Variants in CHST9 observed in about 807,000 individuals in gnomAD.
CHST9 encodes the protein GalNAc-4-sulfotransferase 2.
Under a neutral mutation model 44.4 loss-of-function variants are expected in CHST9, and 41 were observed. That is an observed-to-expected ratio of 0.92 (90% CI 0.72 to 1.20). The LOEUF (loss-of-function observed/expected upper bound fraction) is 1.20, where lower values mean the gene tolerates loss of function less well. Among genes scored for constraint, CHST9 ranks in the 50% most tolerant of loss-of-function variants. The pLI is 0.00. For missense variants in CHST9, 504 were observed against 516.5 expected, an observed-to-expected ratio of 0.98 and a Z score of 0.23; for synonymous variants, 171 against 178.4, an observed-to-expected ratio of 0.96 and a Z score of 0.33.
intron 3 of CHST9, among the ~76,000 whole-genome samples, chr18:27,035,036 G>C (rs1234858243): frequency 6.6e-6 from 1 of 152,208 alleles, no homozygotes; most frequent in African/African-American, 2.4e-5. Flanking sequence ...GGGATGGCTG[G>C]ATGATAAAGT....
At position 26,917,130 on chromosome 18, in the gene CHST9, T is replaced by C. The variant is rs2055546581; in HGVS notation, c.461A>G (p.Asp154Gly). Reference protein sequence around the residue: ...NKFSNMNWPVDIHPLNKSLVK... With the variant: ...NKFSNMNWPVGIHPLNKSLVK... ...TAAACTTTTGTTTAAAGGGTGAATG[T>C]CCACTGGCCAATTCATGTTGCTGAA... is the stretch of plus-strand genomic sequence containing the variant. The change falls in exon 6 of 6, where the codon GAC (aspartate) becomes GGC (glycine). Residue 154 changes from aspartate to glycine, a missense_variant. Asp to Gly is a moderately conservative substitution (Grantham distance 94). Transcript: ENST00000618847. The C allele has an allele frequency of 6.2e-7, 1 of 1,613,942 alleles. No homozygotes were observed. Among genetic ancestry groups the C allele is most frequent in the African/African-American group, 1.3e-5 (1 of 75,028 alleles).
intron 4 of CHST9, among the ~76,000 whole-genome samples, chr18:27,022,291 A>G (rs934538395): frequency 6.6e-6 from 1 of 152,078 alleles, no homozygotes; most frequent in African/African-American, 2.4e-5. Context: ...AAACTCTCTC[A>G]AATTTCTTTA....
rs79688953 is a variant in CHST9, at chr18:27,043,684, G to A, written c.160+4781C>T. On this transcript the variant is annotated intron_variant, in intron 3 of 5. Coordinates refer to ENST00000618847, the MANE Select transcript of CHST9 (RefSeq NM_031422.6). ...ATGCTTCCTGATTTCCTTGCCTCCC[G>A]TCAATTTCTCTTCCAATCCATACTT... is the stretch of plus-strand genomic sequence containing the variant. 7.0e-3 allele frequency among the ~76,000 whole-genome samples: 1,061 copies of A among 152,004 alleles called. 10 individuals are homozygous for A. The highest frequency in any genetic ancestry group is 0.024 in the African/African-American group (1,002 of 41,470).
intron 4 of CHST9, among the ~76,000 whole-genome samples, chr18:26,975,709 A>ATATGTG (rs1486333121): frequency 4.4e-4 from 25 of 56,960 alleles, no homozygotes; most frequent in African/African-American, 2.0e-3. Context: ...ATGTGTATAT[A>ATATGTG]TGTGTGTGTG....
chr18:26,929,866 G>A (rs982400387), intron 5 of CHST9, among the ~76,000 whole-genome samples: 1 of 152,136 alleles, frequency 6.6e-6, no homozygotes, highest in Non-Finnish European at 1.5e-5. Flanking sequence ...TGACGTAAGT[G>A]ACACTCCTTT....
intron 4 of CHST9, chr18:26,952,500 A>C (rs2056263523): frequency 4.4e-6 from 2 of 458,896 alleles, no homozygotes; most frequent in Non-Finnish European, 8.5e-6. Context: ...TAAACCCTGG[A>C]GGACCAGTCC....
intron 5 of CHST9, among the ~76,000 whole-genome samples, chr18:26,923,114 G>A (rs2055693710): frequency 6.6e-6 from 1 of 152,176 alleles, no homozygotes; most frequent in Non-Finnish European, 1.5e-5. Flanking sequence ...GACAAGTGCG[G>A]ACTTTATTCA....
intron 4 of CHST9, among the ~76,000 whole-genome samples, chr18:26,995,674 A>G (rs1336149700): frequency 6.6e-6 from 1 of 152,222 alleles, no homozygotes; most frequent in Non-Finnish European, 1.5e-5. Context: ...GGATACATGA[A>G]AAATAAGCAA....
chr18:27,175,815 A>G (rs948367685), intron 1 of CHST9, among the ~76,000 whole-genome samples: 1 of 152,048 alleles, frequency 6.6e-6, no homozygotes, highest in African/African-American at 2.4e-5. Context: ...AACCAGATGG[A>G]TCCCTATCTT....
intron 3 of CHST9, among the ~76,000 whole-genome samples, chr18:27,040,753 T>C (rs567387413): frequency 1.3e-5 from 2 of 152,272 alleles, no homozygotes; most frequent in Admixed American, 6.5e-5. Context: ...AGTATACAAG[T>C]ATATCATTTA....
chr18:27,081,360 G>A (rs2057959150), intron 2 of CHST9, among the ~76,000 whole-genome samples: 2 of 151,934 alleles, frequency 1.3e-5, no homozygotes, highest in African/African-American at 4.8e-5. Flanking sequence ...CAAAAAAGAA[G>A]AAAAGAAAAG....
intron 4 of CHST9, among the ~76,000 whole-genome samples, chr18:26,977,426 A>C (rs1352396570): frequency 3.5e-5 from 1 of 28,308 alleles, no homozygotes; most frequent in African/African-American, 9.4e-5. Flanking sequence ...GGTCACTTGT[A>C]AAAAAAAAAA....
At chr18:27,022,827 A>G (rs1355278735) in intron 4 of CHST9, among the ~76,000 whole-genome samples, 1 of 152,240 alleles carries the variant, frequency 6.6e-6, no homozygotes, top group Admixed American at 6.5e-5. Context: ...GGGATAACAC[A>G]TTGCTTATCA....
intron 2 of CHST9, among the ~76,000 whole-genome samples, chr18:27,052,993 A>C (rs1319560575): frequency 1.3e-5 from 2 of 151,652 alleles, no homozygotes; most frequent in African/African-American, 4.9e-5. Context: ...AACCTAGATG[A>C]CAGGTTGATA....
At chr18:27,089,285 CAG>C (rs1362095193) in intron 2 of CHST9, among the ~76,000 whole-genome samples, 13 of 143,902 alleles carry the variant, frequency 9.0e-5, no homozygotes, top group African/African-American at 1.3e-4. Context: ...ATCCCTCCCC[CAG>C]CCCCCCACCC....
chr18:27,020,709 A>G (rs1177287774), intron 4 of CHST9, among the ~76,000 whole-genome samples: 2 of 152,188 alleles, frequency 1.3e-5, no homozygotes, highest in African/African-American at 4.8e-5. Context: ...GGAGTCAATA[A>G]CATGCAAGAT....
chr18:27,114,316 G>C (rs1270502125), intron 2 of CHST9, among the ~76,000 whole-genome samples: 1 of 152,180 alleles, frequency 6.6e-6, no homozygotes, highest in African/African-American at 2.4e-5. Flanking sequence ...CGAGATGGTT[G>C]TCTGTCCTAT....
chr18:27,099,911 G>A (rs998477830), intron 2 of CHST9, among the ~76,000 whole-genome samples: 1 of 151,814 alleles, frequency 6.6e-6, no homozygotes, highest in African/African-American at 2.4e-5. Flanking sequence ...CTACTAAAAA[G>A]ATACATGCAT....
chr18:26,998,546 C>T (rs770034169), intron 4 of CHST9, among the ~76,000 whole-genome samples: 5 of 151,772 alleles, frequency 3.3e-5, no homozygotes, highest in Non-Finnish European at 4.4e-5. Flanking sequence ...GCCAACATGG[C>T]GAAACCCTGT....
Sources: allele counts gnomAD v4.1 joint callset (sites outside exome capture counted in the v4.1 genomes callset), GRCh38; gene constraint gnomAD v4.1.1; transcripts MANE v1.5; gene names NCBI Gene and HGNC (gene_info 2026-07-23, HGNC 2026-07-21).